PPP1R21: variants seen among roughly 807,000 people sequenced by gnomAD.
The protein encoded by PPP1R21 is KLRAQ motif containing 1.
PPP1R21 carries 85 observed loss-of-function variants against 112.8 expected under a neutral mutation model. That is an observed-to-expected ratio of 0.75 (90% CI 0.63 to 0.90). The LOEUF is 0.90. Ranked by LOEUF, PPP1R21 falls within the 40% of genes least tolerant of loss-of-function variation. The pLI is 0.00. For synonymous variants in PPP1R21, 381 were observed against 322.3 expected (o/e 1.18, Z -1.95); for missense variants, 1,199 against 901.5 (o/e 1.33, Z -4.23).
chr2:48,495,912 A>G, intron 16 of PPP1R21, 141 bp downstream of exon 16: 4 of 562,024 alleles, frequency 7.1e-6, no homozygotes, highest in Non-Finnish European at 1.3e-5. Context: ...CATACTAAAA[A>G]GCAAATAGAC....
At chr2:48,457,984 A>G in intron 3 of PPP1R21, 142 bp from the exon 4 acceptor site, 1 of 646,282 alleles carries the variant, frequency 1.5e-6, no homozygotes, top group Non-Finnish European at 2.9e-6. Flanking sequence ...TAAATGATGA[A>G]CTGTATAGCT....
rs951372148 is a variant in PPP1R21 at position 48,486,841 on chromosome 2, A to G, written c.1446+83A>G. Reference sequence around the variant, plus strand: ...GAGGGACATAGGAAAATGGATCTGTAAAAGGATTTTGTAATATAAGGGTTT... The same window carrying G: ...GAGGGACATAGGAAAATGGATCTGTGAAAGGATTTTGTAATATAAGGGTTT... On this transcript the variant is annotated intron_variant, in intron 14 of 21. Coordinates refer to ENST00000294952, the MANE Select transcript of PPP1R21 (RefSeq NM_001135629.3). The G allele has an allele frequency of 6.8e-6, 10 of 1,465,118 alleles. No individual in the cohort carries two copies. In the African/African-American group the frequency reaches 9.9e-5, roughly 15 times the overall value. The allele number at this position is 1,465,118 out of a possible 1,614,324, so 90.8% of individuals were successfully genotyped here.
intron 19 of PPP1R21, among the ~76,000 whole-genome samples, chr2:48,507,659 G>A (rs570712952): frequency 1.3e-5 from 2 of 148,168 alleles, no homozygotes; most frequent in South Asian, 2.2e-4. Flanking sequence ...GAGCCACCTC[G>A]CCTGGCCCGG....
chr2:48,486,663 A>C lies in PPP1R21; in HGVS notation c.1351A>C (p.Ile451Leu). 6.2e-7 allele frequency: 1 copy of C among 1,613,074 alleles called. No individual in the cohort carries two copies. Among genetic ancestry groups the C allele is most frequent in the Non-Finnish European group, 8.5e-7 (1 of 1,179,076 alleles). The change falls in exon 14 of 22, where the codon ATA becomes CTA. Residue 451 changes from isoleucine (I) to leucine (L), a missense_variant. By Grantham distance (5) the Ile-to-Leu change is conservative. Coordinates refer to ENST00000294952, the MANE Select transcript of PPP1R21 (RefSeq NM_001135629.3). ...CAAACATTATAGTCAAAAAGCTGCAATAGAGCATGAACTTCCAACAGCAAC... is the reference window on the plus strand; with the variant it reads ...CAAACATTATAGTCAAAAAGCTGCACTAGAGCATGAACTTCCAACAGCAAC... ...ISKHYSQKAA[I>L]EHELPTATQK...
intron 13 of PPP1R21, among the ~76,000 whole-genome samples, chr2:48,486,201 C>T (rs34026270): frequency 0.096 from 14,580 of 152,030 alleles, 779 homozygotes; most frequent in Non-Finnish European, 0.11. Context: ...CCAGTAAGGA[C>T]TGTGAGACAG....
chr2:48,488,426 G>C (rs1465302591), intron 14 of PPP1R21, among the ~76,000 whole-genome samples: 1 of 151,506 alleles, frequency 6.6e-6, no homozygotes, highest in Non-Finnish European at 1.5e-5. Flanking sequence ...GAGTGTAGTG[G>C]CATGATCTCA....
chr2:48,498,534 A>G lies in PPP1R21; in HGVS notation c.1734A>G (p.Glu578=). 1 of 1,614,230 alleles carries G rather than the reference A, an allele frequency of 6.2e-7. No individual in the cohort carries two copies. Among genetic ancestry groups the G allele is most frequent in the South Asian group, 1.1e-5 (1 of 91,088 alleles). Residue 578 remains glutamate, a synonymous_variant, in exon 17 of 22, where the codon GAA becomes GAG. Coordinates refer to ENST00000294952, the MANE Select transcript of PPP1R21 (RefSeq NM_001135629.3). ...SLEKISKLEQ[E]KEHWMLEAQL... ...AAAAGATTTCTAAACTGGAGCAGGA[A>G]AAAGAACATTGGATGTTGGAAGCAC...
chr2:48,454,808 G>A (rs1667647692), intron 3 of PPP1R21, 67 bp downstream of exon 3: 1 of 1,251,330 alleles, frequency 8.0e-7, no homozygotes, highest in South Asian at 1.2e-5. Context: ...AGGGCATCCT[G>A]GTTTTAACAG....
chr2:48,450,053 T>C (rs1225035799), intron 1 of PPP1R21, among the ~76,000 whole-genome samples: 1 of 152,250 alleles, frequency 6.6e-6, no homozygotes, highest in Non-Finnish European at 1.5e-5. Flanking sequence ...AATTTCTGAT[T>C]TGTATACTTT....
At chr2:48,502,646 C>G (rs1670170890) in intron 17 of PPP1R21, among the ~76,000 whole-genome samples, 1 of 146,648 alleles carries the variant, frequency 6.8e-6, no homozygotes, top group Non-Finnish European at 1.5e-5. Flanking sequence ...CACTTTGAGG[C>G]AGAAAAAGTA....
At chr2:48,511,024 A>C (rs990629391) in intron 20 of PPP1R21, among the ~76,000 whole-genome samples, 1 of 152,128 alleles carries the variant, frequency 6.6e-6, no homozygotes, top group African/African-American at 2.4e-5. Context: ...TTGCTTTTAC[A>C]AGTAAAAGAA....
chr2:48,471,353 C>G lies in PPP1R21; in HGVS notation c.1074C>G (p.Pro358=), dbSNP rs746371183. 2.5e-6 allele frequency: 4 copies of G among 1,608,224 alleles called. No homozygotes were observed. The African/African-American group carries it at 4.0e-5, about 16-fold the overall frequency. The change falls in exon 11 of 22, where the codon CCC becomes CCG. Residue 358 remains proline, a synonymous_variant. Transcript: ENST00000294952. ...TATGTTTTCTTAGGAAGATTCTTCC[C>G]TATCAGTTAAAAAGGTAGTTACCCC... is the stretch of plus-strand genomic sequence containing the variant. ...SYICFLRKIL[P]YQLKSLEEEC... is the part of the protein sequence containing the mutation.
At chr2:48,473,659 G>T (rs1668619967) in intron 11 of PPP1R21, among the ~76,000 whole-genome samples, 2 of 152,182 alleles carry the variant, frequency 1.3e-5, no homozygotes, top group African/African-American at 4.8e-5. Flanking sequence ...GAAGCTGTCT[G>T]CTATAAATAA....
chr2:48,478,781 T>C (rs992566642), intron 12 of PPP1R21, among the ~76,000 whole-genome samples: 1 of 152,332 alleles, frequency 6.6e-6, no homozygotes, highest in Non-Finnish European at 1.5e-5. Flanking sequence ...AATCTACCAA[T>C]TTCTTCTTCA....
rs139527974 is a variant in PPP1R21 at position 48,498,656 on chromosome 2, A to G, written c.1856A>G (p.Asn619Ser). ...CAGCTGGTTGGGCTGGCCCAGGAAAATGCTGCTGTGTCAAATACTGCTGGC... is the reference window on the plus strand; with the variant it reads ...CAGCTGGTTGGGCTGGCCCAGGAAAGTGCTGCTGTGTCAAATACTGCTGGC... ...SAQLVGLAQENAAVSNTAGQD... is the reference protein window; with the variant it reads ...SAQLVGLAQESAAVSNTAGQD... Residue 619 changes from asparagine (N) to serine (S), a missense_variant, in exon 17 of 22, where the codon AAT becomes AGT. Transcript: ENST00000294952. 1.8e-4 allele frequency: 287 copies of G among 1,614,240 alleles called. No individual in the cohort carries two copies. In the African/African-American group the frequency reaches 3.2e-3, roughly 18 times the overall value.
intron 21 of PPP1R21, among the ~76,000 whole-genome samples, chr2:48,512,181 AC>A (rs1308044702): frequency 5.9e-5 from 9 of 151,784 alleles, no homozygotes; most frequent in African/African-American, 2.2e-4. Context: ...GGAATGTCTT[AC>A]CCTTTTAACT....
chr2:48,496,825 A>G (rs998302738), intron 16 of PPP1R21, among the ~76,000 whole-genome samples: 3 of 152,198 alleles, frequency 2.0e-5, no homozygotes, highest in Non-Finnish European at 4.4e-5. Flanking sequence ...ATGCCTATCC[A>G]GTGCAGTCTC....
In PPP1R21 at chr2:48,460,208, G is replaced by C. The variant is rs1667916825; in HGVS notation, c.599+55G>C. 5 of 1,567,292 alleles carry C rather than the reference G, an allele frequency of 3.2e-6. No individual in the cohort carries two copies. The Admixed American group carries it at 6.8e-5, about 21-fold the overall frequency. ...TCTGAAGCAAGACTCAGAAGACATG[G>C]GTTTTGGTTGTAGCAGCTCCTCTGT... On this transcript the variant is annotated intron_variant, in intron 6 of 21. Coordinates refer to ENST00000294952, the MANE Select transcript of PPP1R21 (RefSeq NM_001135629.3).
At chr2:48,450,163 A>G (rs1398091198) in intron 1 of PPP1R21, among the ~76,000 whole-genome samples, 2 of 152,276 alleles carry the variant, frequency 1.3e-5, no homozygotes, top group Admixed American at 6.5e-5. Context: ...TCTCCAGCTC[A>G]CTGCTTTTTT....
Sources: gnomAD v4.1 joint callset for allele counts (sites outside exome capture counted in the v4.1 genomes callset) on GRCh38, gnomAD v4.1.1 for gene constraint, MANE v1.5 for transcripts, NCBI Gene and HGNC (gene_info 2026-07-23, HGNC 2026-07-21) for gene names.